Variants in RAMP2 observed in about 807,000 individuals in gnomAD.
The protein encoded by RAMP2 is receptor activity modifying protein 2.
A neutral mutation model predicts 18.2 loss-of-function variants in RAMP2; 11 were observed. That is an observed-to-expected ratio of 0.60 (90% CI 0.38 to 1.00). The LOEUF (loss-of-function observed/expected upper bound fraction) is 1.00, where lower values mean the gene tolerates loss of function less well. Ranked by LOEUF, RAMP2 falls within the 50% of genes least tolerant of loss-of-function variation. The pLI, the probability that RAMP2 is intolerant of heterozygous loss-of-function variation, is 0.01. For synonymous variants in RAMP2, 86 were observed against 90.8 expected, an observed-to-expected ratio of 0.95 and a Z score of 0.30; for missense variants, 191 against 226.5, an observed-to-expected ratio of 0.84 and a Z score of 1.01.
rs781087999 is a variant in RAMP2 at position 42,761,783 on chromosome 17, C to T, written c.98-51C>T. The T allele has an allele frequency of 1.0e-5, 15 of 1,484,884 alleles. No individual in the cohort carries two copies. The highest frequency in any genetic ancestry group is 1.4e-5 in the Non-Finnish European group (15 of 1,063,720). The allele number at this position is 1,484,884 out of a possible 1,614,324, so 92.0% of individuals were successfully genotyped here. On this transcript the variant is annotated intron_variant, in intron 1 of 3. Coordinates refer to ENST00000253796, the MANE Select transcript of RAMP2 (RefSeq NM_005854.3). The surrounding 1 kb of genome is among the most constrained non-coding windows in gnomAD (Gnocchi z 4.2). ...GTCCCCCAACCCCCCTCGCAGGCTCCACTGCCGGGGTCCCCGCTATGTTAC... is the reference window on the plus strand; with the variant it reads ...GTCCCCCAACCCCCCTCGCAGGCTCTACTGCCGGGGTCCCCGCTATGTTAC...
chr17:42,762,272 C>G, intron 2 of RAMP2, 83 bp from the exon 3 acceptor site: 1 of 1,595,258 alleles, frequency 6.3e-7, no homozygotes, highest in Non-Finnish European at 8.6e-7. Flanking sequence ...TGAAGACAGG[C>G]AGTTCACCTT....
chr17:42,762,042 G>T (rs1361353197), intron 2 of RAMP2, 143 bp downstream of exon 2: 3 of 916,342 alleles, frequency 3.3e-6, no homozygotes, highest in Non-Finnish European at 5.0e-6. Flanking sequence ...GGTTCCTCGT[G>T]GTCTTTCTCC....
Sources: gnomAD v4.1 joint callset for allele counts on GRCh38, gnomAD v4.1.1 for gene constraint, Gnocchi (gnomAD v3.1) non-coding constraint, MANE v1.5 for transcripts, NCBI Gene and HGNC (gene_info 2026-07-23, HGNC 2026-07-21) for gene names.